DNAH14: variants seen among roughly 807,000 people sequenced by gnomAD.
DNAH14 encodes dynein axonemal heavy chain 14, also known as axonemal beta dynein heavy chain 14.
Under a neutral mutation model 520.9 loss-of-function variants are expected in DNAH14, and 478 were observed. The observed-to-expected ratio is 0.92, with a 90% CI of 0.85 to 0.99. DNAH14 has a LOEUF of 0.99. DNAH14 is among the 50% of genes least tolerant of loss of function. The pLI is 0.00. For missense variants in DNAH14, 4,831 were observed against 5,234.5 expected, an observed-to-expected ratio of 0.92 and a Z score of 2.38; for synonymous variants, 1,581 against 1,757.2, an observed-to-expected ratio of 0.90 and a Z score of 2.51.
chr1:225,307,276 C>T (rs1381140023), intron 58 of DNAH14, among the ~76,000 whole-genome samples, 185 bp from the exon 59 acceptor site: 3 of 152,042 alleles, frequency 2.0e-5, no homozygotes, highest in Non-Finnish European at 4.4e-5. Context: ...AGTGAATTTT[C>T]TTCTTTATAC....
rs536505527 is a variant in DNAH14 at position 225,327,899 on chromosome 1, C to G, written c.9723+3067C>G. 8.5e-4 allele frequency among the ~76,000 whole-genome samples: 129 copies of G among 151,514 alleles called. 1 individual carries two copies. The highest frequency in any genetic ancestry group is 5.8e-4 in the East Asian group (3 of 5,142). On this transcript the variant is annotated intron_variant, in intron 64 of 85. Transcript: ENST00000682510. ...GACAGGTCTTTTTAAATGACCCAGT[C>G]AGATAAAAAAGAAAAAGAAGAAATA...
At chr1:225,387,517 G>C (rs1193257025) in intron 81 of DNAH14, among the ~76,000 whole-genome samples, 1 of 152,168 alleles carries the variant, frequency 6.6e-6, no homozygotes, top group Non-Finnish European at 1.5e-5. Flanking sequence ...AGTAGCAAGA[G>C]AAGAGGGCTG....
At chr1:225,391,208 A>C (rs1055573963) in intron 83 of DNAH14, among the ~76,000 whole-genome samples, 1 of 152,260 alleles carries the variant, frequency 6.6e-6, no homozygotes, top group African/African-American at 2.4e-5. Context: ...AGCAGAAACC[A>C]CTGAAGTGTT....
chr1:225,171,966 A>T (rs2082726922), intron 36 of DNAH14, among the ~76,000 whole-genome samples: 1 of 152,222 alleles, frequency 6.6e-6, no homozygotes, highest in Admixed American at 6.5e-5. Flanking sequence ...TTCATCATAC[A>T]CAAATCAATA....
intron 46 of DNAH14, among the ~76,000 whole-genome samples, chr1:225,262,932 T>C (rs1200901310): frequency 2.0e-5 from 3 of 151,938 alleles, no homozygotes; most frequent in African/African-American, 7.2e-5. Context: ...GCTTGGGCAG[T>C]ATGGTCATCA....
intron 1 of DNAH14, among the ~76,000 whole-genome samples, chr1:224,949,691 CTT>C (rs2060051387): frequency 6.6e-6 from 1 of 152,114 alleles, no homozygotes; most frequent in African/African-American, 2.4e-5. Flanking sequence ...TAATCCCTCT[CTT>C]GTATAAACAC....
At chr1:225,036,577 C>T (rs1252442919) in intron 11 of DNAH14, among the ~76,000 whole-genome samples, 1 of 152,068 alleles carries the variant, frequency 6.6e-6, no homozygotes, top group Admixed American at 6.5e-5. Flanking sequence ...GGCATACCCT[C>T]CAAGTCTGCT....
chr1:224,945,040 G>A (rs1489694352), intron 1 of DNAH14, among the ~76,000 whole-genome samples: 1 of 152,150 alleles, frequency 6.6e-6, no homozygotes, highest in Non-Finnish European at 1.5e-5. Context: ...ATGTTGGCCT[G>A]CCTTGCTAGA....
chr1:225,213,516 A>G (rs961105036), intron 41 of DNAH14, among the ~76,000 whole-genome samples: 3 of 152,118 alleles, frequency 2.0e-5, no homozygotes, highest in Non-Finnish European at 2.9e-5. Flanking sequence ...CATTTTCACA[A>G]TGTTGATTCT....
At chr1:225,339,994 G>A (rs762392033) in intron 68 of DNAH14, among the ~76,000 whole-genome samples, 4 of 152,164 alleles carry the variant, frequency 2.6e-5, no homozygotes, top group South Asian at 2.1e-4. Flanking sequence ...ATGGGTGCAC[G>A]GAAATTTCAG....
intron 46 of DNAH14, among the ~76,000 whole-genome samples, chr1:225,262,234 G>T (rs542101423): frequency 6.6e-6 from 1 of 151,274 alleles, no homozygotes; most frequent in South Asian, 2.1e-4. Flanking sequence ...TGTAGATTCT[G>T]GATATTAGTC....
intron 27 of DNAH14, among the ~76,000 whole-genome samples, chr1:225,130,727 G>A (rs944538498): frequency 2.0e-5 from 3 of 147,174 alleles, no homozygotes; most frequent in Admixed American, 1.4e-4. Context: ...GCTAAATGAC[G>A]AGTTAATGGG....
chr1:225,167,245 T>C (rs902228347), intron 35 of DNAH14, among the ~76,000 whole-genome samples: 1 of 152,152 alleles, frequency 6.6e-6, no homozygotes, highest in Admixed American at 6.5e-5. Flanking sequence ...TCTGTCTCAA[T>C]GTAGGGATGC....
intron 10 of DNAH14, among the ~76,000 whole-genome samples, chr1:225,017,185 A>G (rs1428261458): frequency 6.6e-6 from 1 of 152,160 alleles, no homozygotes; most frequent in Admixed American, 6.5e-5. Flanking sequence ...TTATTAGTAT[A>G]TACTTCCTTG....
intron 43 of DNAH14, among the ~76,000 whole-genome samples, chr1:225,242,204 A>C (rs1463472415): frequency 1.3e-5 from 2 of 152,172 alleles, no homozygotes; most frequent in African/African-American, 4.8e-5. Context: ...CCTGTACTCC[A>C]GCCTGGGAAA....
At chr1:225,266,803 G>T in intron 49 of DNAH14, 34 bp downstream of exon 49, 1 of 1,445,316 alleles carries the variant, frequency 6.9e-7, no homozygotes, top group Non-Finnish European at 9.1e-7. Context: ...TTCACATTAA[G>T]TATTATTTCT....
In DNAH14 at chr1:225,272,031, A is replaced by G; in HGVS notation, c.7797A>G (p.Pro2599=). The change falls in exon 51 of 86, where the codon CCA becomes CCG. Residue 2599 remains proline, a synonymous_variant. Transcript: ENST00000682510. ...TACGTCAGAATATGTTACCAACTCC[A>G]ACAAAATGTCACTACATGTTTAATC... The part of the protein sequence containing the change: ...HQVRQNMLPT[P]TKCHYMFNLR... 2.6e-6 allele frequency: 4 copies of G among 1,550,728 alleles called. No homozygotes were observed. Among genetic ancestry groups the G allele is most frequent in the Non-Finnish European group, 3.5e-6 (4 of 1,146,590 alleles).
At chr1:225,144,289 GT>G (rs1356223207) in intron 28 of DNAH14, 107 bp from the exon 29 acceptor site, 18 of 846,340 alleles carry the variant, frequency 2.1e-5, no homozygotes, top group East Asian at 1.9e-4. Context: ...ACTTCTATTT[GT>G]TTTTTTAATC....
At chr1:225,388,513 C>CATTT in intron 82 of DNAH14, 22 bp downstream of exon 82, 2 of 1,359,614 alleles carry the variant, frequency 1.5e-6, no homozygotes, top group South Asian at 2.8e-5. Flanking sequence ...AGATGCTTTA[C>CATTT]ATTTCTTCCT....
Sources: gnomAD v4.1 joint callset for allele counts (sites outside exome capture counted in the v4.1 genomes callset) on GRCh38, gnomAD v4.1.1 for gene constraint, MANE v1.5 for transcripts, NCBI Gene and HGNC (gene_info 2026-07-23, HGNC 2026-07-21) for gene names.